Variants in RNF19B observed in about 807,000 individuals in gnomAD.
The protein encoded by RNF19B is E3 ubiquitin-protein ligase RNF19B.
In RNF19B, 23 loss-of-function variants were observed where a neutral mutation model predicts 65.5. The ratio of observed to expected loss-of-function variants is 0.35; its 90% CI spans 0.25 to 0.50. RNF19B has a LOEUF of 0.50. Ranked by LOEUF, RNF19B falls within the 20% of genes least tolerant of loss-of-function variation. The pLI is 0.98. For synonymous variants in RNF19B, 372 were observed against 379.6 expected (o/e 0.98, Z 0.23); for missense variants, 794 against 980.0 (o/e 0.81, Z 2.53).
At position 32,964,173 on chromosome 1, in the gene RNF19B, G is replaced by A. The variant is rs1642841839; in HGVS notation, c.513C>T (p.Asn171=). ...CGAGCAGCAAGCGGATGTCGTGCGG[G>A]TTGAGTCGCTCGCTGCACTCGGGGC... is the stretch of plus-strand genomic sequence containing the variant. ...ISCPECSERL[N]PHDIRLLLAD... Residue 171 remains asparagine (N), a synonymous_variant, in exon 1 of 9, where the codon AAC becomes AAT. Coordinates refer to ENST00000235150, the MANE Select transcript of RNF19B (RefSeq NM_001300826.2). This position sits in a 1 kb window ranked among gnomAD's most constrained non-coding sequence, Gnocchi z 6.5. 1 of 1,545,888 alleles carries A rather than the reference G, an allele frequency of 6.5e-7. No individual in the cohort carries two copies.
chr1:32,949,325 TAAGA>T (rs1237011837), intron 2 of RNF19B, among the ~76,000 whole-genome samples: 11 of 152,226 alleles, frequency 7.2e-5, no homozygotes, highest in Non-Finnish European at 7.3e-5. Flanking sequence ...GACATATTAC[TAAGA>T]AAGTAGGAAC....
downstream of RNF19B, among the ~76,000 whole-genome samples, chr1:32,934,217 T>C (rs773486216): frequency 6.6e-6 from 1 of 152,238 alleles, no homozygotes; most frequent in Non-Finnish European, 1.5e-5. Flanking sequence ...CTAAGCTGGC[T>C]GTTGTCCAGA....
At chr1:32,963,778 C>T (rs951291600) in intron 1 of RNF19B, among the ~76,000 whole-genome samples, 2 of 152,186 alleles carry the variant, frequency 1.3e-5, no homozygotes, top group African/African-American at 4.8e-5. Flanking sequence ...AGGGCATTCC[C>T]CCAACAAAAA....
chr1:32,960,890 G>A (rs1178856263), intron 1 of RNF19B, among the ~76,000 whole-genome samples: 1 of 151,962 alleles, frequency 6.6e-6, no homozygotes, highest in African/African-American at 2.4e-5. Flanking sequence ...GCATGCACCC[G>A]TGTTCCCAGC....
chr1:32,929,042 A>G, the RNF19B span, among the ~76,000 whole-genome samples: 1 of 152,132 alleles, frequency 6.6e-6, no homozygotes, highest in Non-Finnish European at 1.5e-5. Flanking sequence ...TGGGTGACTT[A>G]AGTAACAGAA....
chr1:32,962,817 T>C (rs1642803786), intron 1 of RNF19B, among the ~76,000 whole-genome samples: 1 of 152,166 alleles, frequency 6.6e-6, no homozygotes, highest in Non-Finnish European at 1.5e-5. Flanking sequence ...GCTGTCTGAC[T>C]CCCAACTACT....
chr1:32,931,702 C>A (rs1570065320), downstream of RNF19B, among the ~76,000 whole-genome samples: 3 of 152,328 alleles, frequency 2.0e-5, no homozygotes, highest in Non-Finnish European at 4.4e-5. Context: ...TTGGGTCTCT[C>A]CCATACTATG....
intron 8 of RNF19B, among the ~76,000 whole-genome samples, chr1:32,937,630 A>T (rs1247478864): frequency 6.6e-6 from 1 of 151,958 alleles, no homozygotes; most frequent in Non-Finnish European, 1.5e-5. Flanking sequence ...GATCACTTGA[A>T]CCCAGGAGTT....
In RNF19B at chr1:32,938,477, G is replaced by T; in HGVS notation, c.1662C>A (p.Ala554=). The change falls in exon 8 of 9, where the codon GCC becomes GCA. Residue 554 remains alanine (A), a synonymous_variant. Coordinates refer to ENST00000235150, the MANE Select transcript of RNF19B (RefSeq NM_001300826.2). ...CGTTGTCACTAATTGCACCAAGACT[G>T]GCTGTGTCTTTGGGGAAAATTTCCT... ...VQKEIFPKDT[A]SLGAISDNAS... 6.2e-7 allele frequency: 1 copy of T among 1,614,152 alleles called. No individual in the cohort carries two copies. The highest frequency in any genetic ancestry group is 8.5e-7 in the Non-Finnish European group (1 of 1,180,002).
chr1:32,947,614 G>A (rs562186303), intron 3 of RNF19B, among the ~76,000 whole-genome samples: 6 of 150,378 alleles, frequency 4.0e-5, no homozygotes, highest in Admixed American at 2.0e-4. Flanking sequence ...AGTCGAGATC[G>A]AGCCACTGCA....
chr1:32,946,389 A>T lies in RNF19B; in HGVS notation c.1146+13T>A. On this transcript the variant is annotated intron_variant, in intron 4 of 8. Transcript: ENST00000235150. ...AGTTGAAACAAGCACAGAAACCAGC[A>T]TGTCTTTCTTACCTTCCTTCCAACA... is the stretch of plus-strand genomic sequence containing the variant. 6.2e-7 allele frequency: 1 copy of T among 1,612,270 alleles called. No homozygotes were observed. Among genetic ancestry groups the T allele is most frequent in the Non-Finnish European group, 8.5e-7 (1 of 1,178,874 alleles).
chr1:32,953,371 A>T (rs1444517801), intron 1 of RNF19B, among the ~76,000 whole-genome samples: 1 of 151,980 alleles, frequency 6.6e-6, no homozygotes, highest in Non-Finnish European at 1.5e-5. Context: ...ATATTCAAAG[A>T]CCTCAAATAA....
chr1:32,944,279 T>A, intron 5 of RNF19B, 120 bp from the exon 6 acceptor site: 4 of 1,146,492 alleles, frequency 3.5e-6, no homozygotes, highest in Non-Finnish European at 2.4e-6. Context: ...AAAGTGGCTA[T>A]CCCAAAAAGG....
At chr1:32,960,955 G>A (rs951773707) in intron 1 of RNF19B, among the ~76,000 whole-genome samples, 2 of 152,142 alleles carry the variant, frequency 1.3e-5, no homozygotes, top group African/African-American at 4.8e-5. Context: ...TGAGGCTGCA[G>A]TGAGCCGTGA....
intron 7 of RNF19B, among the ~76,000 whole-genome samples, chr1:32,941,616 G>A (rs1042552065): frequency 1.2e-4 from 19 of 152,284 alleles, no homozygotes; most frequent in African/African-American, 4.6e-4. Flanking sequence ...CTAACGGAGA[G>A]CATTTTACGA....
rs553632951 is a variant in RNF19B at position 32,955,333 on chromosome 1, T to C, written c.636-5559A>G. Among the ~76,000 whole-genome samples the C allele has an allele frequency of 6.6e-5, 10 of 152,212 alleles. No homozygotes were observed. The East Asian group carries it at 1.9e-3, about 29-fold the overall frequency. On this transcript the variant is annotated intron_variant, in intron 1 of 8. Transcript: ENST00000235150. ...TATCCATGTATCTATTGGCTTATTA[T>C]ATGCCAGGTACTATAACCTAATCCT...
chr1:32,935,120 G>A (rs755988227), downstream of RNF19B, among the ~76,000 whole-genome samples: 15 of 151,646 alleles, frequency 9.9e-5, no homozygotes, highest in Non-Finnish European at 1.6e-4. Context: ...GTGAACCACT[G>A]CGCCCAGCCC....
intron 1 of RNF19B, among the ~76,000 whole-genome samples, chr1:32,955,748 CAA>C (rs71571730): frequency 1.8e-3 from 197 of 111,656 alleles, no homozygotes; most frequent in African/African-American, 3.2e-3. Context: ...AACCCTGTCT[CAA>C]AAAAAAAAAA....
chr1:32,964,069 C>G lies in RNF19B; in HGVS notation c.617G>C (p.Cys206Ser). The G allele has an allele frequency of 6.6e-7, 1 of 1,517,218 alleles. No homozygotes were observed. The highest frequency in any genetic ancestry group is 8.8e-7 in the Non-Finnish European group (1 of 1,133,012). The allele number at this position is 1,517,218 out of a possible 1,614,324, so 94.0% of individuals were successfully genotyped here. ...YLASDPDCRW[C>S]PAPDCGYAVI... ...CGCTCACCCGCAGTCCGGGGCCGGG[C>G]ACCAGCGGCAGTCGGGGTCCGAGGC... Residue 206 changes from cysteine to serine, a missense_variant, in exon 1 of 9, where the codon TGC (cysteine) becomes TCC (serine). Around this residue, in one of 3 missense-constraint regions of RNF19B, gnomAD observed 374 missense variants for 423.8 expected, o/e 0.88. Coordinates refer to ENST00000235150, the MANE Select transcript of RNF19B (RefSeq NM_001300826.2). This position sits in a 1 kb window ranked among gnomAD's most constrained non-coding sequence, Gnocchi z 6.5.
Sources: allele counts gnomAD v4.1 joint callset (sites outside exome capture counted in the v4.1 genomes callset), GRCh38; gene constraint gnomAD v4.1.1; regional missense constraint gnomAD v4.1.1; non-coding constraint Gnocchi (gnomAD v3.1); transcripts MANE v1.5; gene names NCBI Gene and HGNC (gene_info 2026-07-23, HGNC 2026-07-21).